SLC2A13: variants seen among roughly 807,000 people sequenced by gnomAD.
SLC2A13 encodes the protein solute carrier family 2 member 13.
In SLC2A13, 32 loss-of-function variants were observed where a neutral mutation model predicts 64.4. The observed-to-expected ratio is 0.50, with a 90% CI of 0.37 to 0.67. The LOEUF (loss-of-function observed/expected upper bound fraction) is 0.67. Among genes scored for constraint, SLC2A13 ranks in the 30% least tolerant of loss-of-function variants. The pLI, the probability that SLC2A13 is intolerant of heterozygous loss-of-function variation, is 0.00. For missense variants in SLC2A13, 743 were observed against 829.2 expected (o/e 0.90, Z 1.28); for synonymous variants, 338 against 327.1 (o/e 1.03, Z -0.36).
At chr12:39,797,800 G>A (rs940832258) in intron 7 of SLC2A13, among the ~76,000 whole-genome samples, 2 of 149,956 alleles carry the variant, frequency 1.3e-5, no homozygotes, top group Admixed American at 6.6e-5. Flanking sequence ...ACTGAAAACC[G>A]GTCGTAATTC....
Position 39,759,906 on chromosome 12 carries a change from G to T in SLC2A13, c.*120C>A. 1 of 683,534 alleles carries T rather than the reference G, an allele frequency of 1.5e-6. No individual in the cohort carries two copies. Among genetic ancestry groups the T allele is most frequent in the Non-Finnish European group, 2.5e-6 (1 of 404,030 alleles). The allele number at this position is 683,534 out of a possible 1,614,324, so 42.3% of individuals were successfully genotyped here. A position where few individuals can be genotyped will look rare whatever the true frequency, so the allele number is the denominator to read the frequency against. On this transcript the variant is annotated 3_prime_UTR_variant, in exon 10 of 10. Transcript: ENST00000280871. ...CTCCTAATCAAGTATTCTAGAATAT[G>T]AAGTCAATCAAAACTAGGCTGTGGA...
chr12:40,014,192 T>C (rs564463499), intron 3 of SLC2A13, among the ~76,000 whole-genome samples: 9 of 152,312 alleles, frequency 5.9e-5, no homozygotes, highest in African/African-American at 2.2e-4. Flanking sequence ...TGGATGAATA[T>C]GTATTTCTGG....
chr12:39,858,710 G>A (rs1024913335), intron 6 of SLC2A13, among the ~76,000 whole-genome samples: 1 of 152,082 alleles, frequency 6.6e-6, no homozygotes, highest in Non-Finnish European at 1.5e-5. Flanking sequence ...AGGTTCAAGC[G>A]ATTCTCCTGC....
chr12:40,091,756 T>C (rs552255105), intron 1 of SLC2A13, among the ~76,000 whole-genome samples: 3 of 152,174 alleles, frequency 2.0e-5, no homozygotes, highest in African/African-American at 2.4e-5. Flanking sequence ...GAAAACTTAA[T>C]TCAGGACAGT....
At chr12:39,976,109 A>G (rs1946753064) in intron 3 of SLC2A13, among the ~76,000 whole-genome samples, 1 of 152,220 alleles carries the variant, frequency 6.6e-6, no homozygotes. Flanking sequence ...CTGAAAACAG[A>G]CAGCCCACCC....
chr12:39,851,237 T>C (rs1943458466), intron 6 of SLC2A13, among the ~76,000 whole-genome samples: 1 of 152,166 alleles, frequency 6.6e-6, no homozygotes, highest in South Asian at 2.1e-4. Context: ...TCAGTTAAAA[T>C]AAATATTTCA....
chr12:39,989,465 G>C (rs962608310), intron 3 of SLC2A13, among the ~76,000 whole-genome samples: 1 of 152,260 alleles, frequency 6.6e-6, no homozygotes, highest in Non-Finnish European at 1.5e-5. Context: ...TTTAAGGCAG[G>C]CTTCCTTTCA....
At chr12:39,795,016 T>C (rs1394497748) in intron 7 of SLC2A13, among the ~76,000 whole-genome samples, 1 of 152,178 alleles carries the variant, frequency 6.6e-6, no homozygotes, top group Non-Finnish European at 1.5e-5. Context: ...GTGTGGATAT[T>C]GTCTTACTGC....
intron 3 of SLC2A13, among the ~76,000 whole-genome samples, chr12:39,978,890 A>G (rs1173448445): frequency 6.7e-6 from 1 of 150,322 alleles, no homozygotes; most frequent in Admixed American, 6.6e-5. Context: ...AAACAAAAAG[A>G]CAGCAGTAAC....
intron 6 of SLC2A13, among the ~76,000 whole-genome samples, chr12:39,836,162 A>G (rs1450056303): frequency 6.6e-6 from 1 of 152,122 alleles, no homozygotes; most frequent in Non-Finnish European, 1.5e-5. Context: ...TGTAGTAAAT[A>G]AGTGTGCCTG....
intron 6 of SLC2A13, among the ~76,000 whole-genome samples, chr12:39,848,436 T>C (rs977818723): frequency 1.1e-4 from 16 of 152,136 alleles, no homozygotes; most frequent in Non-Finnish European, 1.9e-4. Flanking sequence ...TCCATATCAC[T>C]AATCATTAGA....
At chr12:40,089,362 C>T (rs1047769259) in intron 1 of SLC2A13, among the ~76,000 whole-genome samples, 10 of 152,182 alleles carry the variant, frequency 6.6e-5, no homozygotes, top group Non-Finnish European at 1.2e-4. Flanking sequence ...ACTGAACTCT[C>T]ATAGAAGTTA....
chr12:39,930,264 G>A (rs891868226), intron 4 of SLC2A13, among the ~76,000 whole-genome samples: 9 of 152,136 alleles, frequency 5.9e-5, no homozygotes, highest in Non-Finnish European at 7.3e-5. Flanking sequence ...AGGCAGCAAG[G>A]TGGAGGAGGG....
chr12:39,766,226 G>A (rs1348558592), intron 7 of SLC2A13, among the ~76,000 whole-genome samples: 2 of 151,974 alleles, frequency 1.3e-5, no homozygotes, highest in Admixed American at 6.6e-5. Flanking sequence ...CTTAGACCAC[G>A]CCAATACAGG....
chr12:40,082,691 C>T (rs957715333), intron 1 of SLC2A13, among the ~76,000 whole-genome samples: 11 of 152,214 alleles, frequency 7.2e-5, no homozygotes, highest in Admixed American at 7.2e-4. Flanking sequence ...CTATGCTCCA[C>T]TGCAGCCATT....
chr12:39,986,669 A>G (rs538945054), intron 3 of SLC2A13, among the ~76,000 whole-genome samples: 55 of 152,026 alleles, frequency 3.6e-4, no homozygotes, highest in African/African-American at 1.2e-3. Flanking sequence ...GACCAAAAAA[A>G]AAAAGATTTT....
chr12:39,824,844 C>CA (rs1029803308), intron 7 of SLC2A13, among the ~76,000 whole-genome samples: 25 of 151,258 alleles, frequency 1.7e-4, no homozygotes, highest in Admixed American at 4.6e-4. Flanking sequence ...CTAATCTGAG[C>CA]AAAAAAAATA....
At chr12:39,901,164 C>T (rs1301970472) in intron 4 of SLC2A13, among the ~76,000 whole-genome samples, 1 of 152,120 alleles carries the variant, frequency 6.6e-6, no homozygotes. Context: ...GGATCCCTTC[C>T]TTACACCTTA....
intron 3 of SLC2A13, among the ~76,000 whole-genome samples, chr12:39,980,321 C>T (rs1946864961): frequency 6.6e-6 from 1 of 151,776 alleles, no homozygotes; most frequent in Admixed American, 6.6e-5. Flanking sequence ...TCACACATAA[C>T]AATATTAACT....
Sources: allele counts gnomAD v4.1 joint callset (sites outside exome capture counted in the v4.1 genomes callset), GRCh38; gene constraint gnomAD v4.1.1; transcripts MANE v1.5; gene names NCBI Gene and HGNC (gene_info 2026-07-23, HGNC 2026-07-21).